WDR64: variants seen among roughly 807,000 people sequenced by gnomAD.
WDR64 encodes the protein WD repeat-containing protein 64.
In WDR64, 112 loss-of-function variants were observed where a neutral mutation model predicts 139.3. The observed-to-expected ratio is 0.80, with a 90% CI of 0.69 to 0.94. WDR64 has a LOEUF of 0.94. WDR64 is among the 40% of genes least tolerant of loss of function. WDR64 has a pLI of 0.00. For synonymous variants in WDR64, 444 were observed against 437.7 expected (o/e 1.01, Z -0.18); for missense variants, 1,206 against 1,293.1 (o/e 0.93, Z 1.03).
chr1:241,690,075 C>T (rs908092077), intron 8 of WDR64, among the ~76,000 whole-genome samples: 1 of 152,158 alleles, frequency 6.6e-6, no homozygotes, highest in African/African-American at 2.4e-5. Context: ...AAATGAGACA[C>T]CAAACCCCAG....
At position 241,703,916 on chromosome 1, in the gene WDR64, G is replaced by A. The variant is rs142025606; in HGVS notation, c.975-7886G>A. ...CACTTATAAAATCATCAGATCTCATGAGAACTCACTCACTAACACAAGAAC... is the reference window on the plus strand; with the variant it reads ...CACTTATAAAATCATCAGATCTCATAAGAACTCACTCACTAACACAAGAAC... On this transcript the variant is annotated intron_variant, in intron 8 of 27. Transcript: ENST00000437684. The surrounding 1 kb of genome is among the most constrained non-coding windows in gnomAD (Gnocchi z 5.9). 5.8e-4 allele frequency among the ~76,000 whole-genome samples: 88 copies of A among 152,250 alleles called. No homozygotes were observed. Among genetic ancestry groups the A allele is most frequent in the African/African-American group, 2.1e-3 (87 of 41,554 alleles).
At chr1:241,771,861 TATACACACAC>T (rs961766427) in intron 19 of WDR64, among the ~76,000 whole-genome samples, 164 bp downstream of exon 19, 2 of 145,962 alleles carry the variant, frequency 1.4e-5, no homozygotes, top group African/African-American at 2.5e-5. Context: ...GTATATATAA[TATACACACAC>T]ATACCCACAC....
intron 13 of WDR64, among the ~76,000 whole-genome samples, chr1:241,749,074 C>T (rs930762810): frequency 6.6e-6 from 1 of 152,230 alleles, no homozygotes; most frequent in African/African-American, 2.4e-5. Flanking sequence ...GGCTGGGATT[C>T]CCTCCAACTT....
intron 9 of WDR64, among the ~76,000 whole-genome samples, chr1:241,719,169 A>T (rs1429749043): frequency 6.6e-6 from 1 of 152,144 alleles, no homozygotes; most frequent in Non-Finnish European, 1.5e-5. Context: ...TTCAATGAAG[A>T]TCCATTTTTT....
intron 19 of WDR64, among the ~76,000 whole-genome samples, chr1:241,771,933 CATACATACATACATATATAT>C (rs1658453299): frequency 4.1e-5 from 3 of 73,518 alleles, no homozygotes; most frequent in South Asian, 5.6e-4. Flanking sequence ...CATACATATA[CATACATACATACATATATAT>C]ATATATATAT....
chr1:241,742,352 T>C (rs1669579697), intron 12 of WDR64, among the ~76,000 whole-genome samples: 1 of 152,148 alleles, frequency 6.6e-6, no homozygotes, highest in Non-Finnish European at 1.5e-5. Flanking sequence ...CATTCCCAGA[T>C]GGTTAGGCAT....
chr1:241,791,735 A>G (rs541122210), intron 25 of WDR64, among the ~76,000 whole-genome samples: 1 of 152,208 alleles, frequency 6.6e-6, no homozygotes, highest in Non-Finnish European at 1.5e-5. Context: ...TATCTAGATA[A>G]CACAGCATAA....
intron 27 of WDR64, among the ~76,000 whole-genome samples, chr1:241,796,730 G>A (rs1178530278): frequency 6.6e-6 from 1 of 152,170 alleles, no homozygotes; most frequent in Non-Finnish European, 1.5e-5. Context: ...CTGACCTCAG[G>A]TGATCCACCC....
rs979493230 is a variant in WDR64 at position 241,772,863 on chromosome 1, C to T, written c.2362C>T (p.Pro788Ser). The T allele has an allele frequency of 6.4e-7, 1 of 1,552,026 alleles. No homozygotes were observed. The highest frequency in any genetic ancestry group is 8.7e-7 in the Non-Finnish European group (1 of 1,147,072). The change falls in exon 20 of 28, where the codon CCA (proline) becomes TCA (serine). Residue 788 changes from proline (P) to serine (S), a missense_variant. Coordinates refer to ENST00000437684, the MANE Select transcript of WDR64 (RefSeq NM_001367482.1). ...AAAACACCCTGGAATTGCCAATTTA[C>T]CAGAAGCCCAGCCACCTATCCTTGT... Reference protein sequence around the residue: ...DKKHPGIANLPEAQPPILVTA... With the variant: ...DKKHPGIANLSEAQPPILVTA...
At chr1:241,678,658 G>C (rs1050383727) in intron 5 of WDR64, among the ~76,000 whole-genome samples, 5 of 151,968 alleles carry the variant, frequency 3.3e-5, no homozygotes, top group Non-Finnish European at 7.4e-5. Flanking sequence ...TCATTAATCG[G>C]AATAGTAATT....
intron 15 of WDR64, among the ~76,000 whole-genome samples, chr1:241,761,226 TA>T (rs1657882285): frequency 1.3e-5 from 2 of 152,116 alleles, no homozygotes; most frequent in South Asian, 4.1e-4. Context: ...TTTAAAAAGA[TA>T]AAAACCTATG....
intron 23 of WDR64, among the ~76,000 whole-genome samples, chr1:241,787,224 C>A (rs540137028): frequency 4.1e-4 from 62 of 149,846 alleles, no homozygotes; most frequent in African/African-American, 1.1e-3. Flanking sequence ...AGTAGCTGGG[C>A]ATGGTGGTGG....
chr1:241,748,116 C>A (rs1225456408), intron 13 of WDR64, among the ~76,000 whole-genome samples: 1 of 152,148 alleles, frequency 6.6e-6, no homozygotes, highest in Admixed American at 6.5e-5. Context: ...TCCGTCTTAC[C>A]GACAAAGCAA....
chr1:241,671,047 A>C, intron 2 of WDR64, 27 bp from the exon 3 acceptor site: 1 of 1,456,100 alleles, frequency 6.9e-7, no homozygotes, highest in Non-Finnish European at 9.3e-7. Flanking sequence ...CATGCTGCAT[A>C]TTTATATGTG....
chr1:241,795,928 T>C (rs1189046097), intron 26 of WDR64, among the ~76,000 whole-genome samples: 4 of 152,066 alleles, frequency 2.6e-5, no homozygotes, highest in Non-Finnish European at 4.4e-5. Context: ...TGCTAAAGGG[T>C]GAACTATCAA....
At chr1:241,793,775 A>G (rs1219701769) in intron 25 of WDR64, among the ~76,000 whole-genome samples, 1 of 152,238 alleles carries the variant, frequency 6.6e-6, no homozygotes, top group Non-Finnish European at 1.5e-5. Flanking sequence ...GAGAAAATAC[A>G]TACCAGGTAC....
intron 20 of WDR64, among the ~76,000 whole-genome samples, chr1:241,773,254 T>C (rs1285715995): frequency 6.6e-6 from 1 of 152,164 alleles, no homozygotes; most frequent in Non-Finnish European, 1.5e-5. Context: ...TGCATACAGA[T>C]AGATACCCGT....
intron 26 of WDR64, 94 bp from the exon 27 acceptor site, chr1:241,796,163 G>A (rs1485961456): frequency 1.5e-6 from 1 of 659,040 alleles, no homozygotes. Flanking sequence ...TTTTGAAGCA[G>A]CTGGGCCTTC....
Position 241,674,729 on chromosome 1 carries a change from A to G in WDR64, c.465A>G (p.Ile155Met). Residue 155 changes from isoleucine to methionine, a missense_variant, in exon 4 of 28, where the codon ATA becomes ATG. Physicochemically the swap from Ile to Met is conservative, Grantham distance 10. Transcript: ENST00000437684. The stretch of plus-strand genomic sequence containing the variant: ...TAACAGCTACTCAGAAAGGATTAAT[A>G]ACAGTTTTTAATAACCAGGTAATTT... ...LLITATQKGL[I>M]TVFNNQMRVQ... The G allele has an allele frequency of 6.5e-7, 1 of 1,544,980 alleles. No homozygotes were observed. The highest frequency in any genetic ancestry group is 1.4e-5 in the African/African-American group (1 of 72,714).
Sources: gnomAD v4.1 joint callset for allele counts (sites outside exome capture counted in the v4.1 genomes callset) on GRCh38, gnomAD v4.1.1 for gene constraint, Gnocchi (gnomAD v3.1) non-coding constraint, MANE v1.5 for transcripts, NCBI Gene and HGNC (gene_info 2026-07-23, HGNC 2026-07-21) for gene names.